NALCN: variants seen among roughly 807,000 people sequenced by gnomAD.
NALCN encodes sodium leak channel, non-selective.
Under a neutral mutation model 225.3 loss-of-function variants are expected in NALCN, and 111 were observed. The observed-to-expected ratio is 0.49, with a 90% confidence interval of 0.42 to 0.58. The LOEUF (loss-of-function observed/expected upper bound fraction) is 0.58. Ranked by LOEUF, NALCN falls within the 20% of genes least tolerant of loss-of-function variation. The pLI is 0.00. For missense variants in NALCN, 1,378 were observed against 2,202.4 expected (o/e 0.63, Z 7.49); for synonymous variants, 764 against 769.0 (o/e 0.99, Z 0.11).
chr13:101,133,965 C>T (rs540212386), intron 17 of NALCN, among the ~76,000 whole-genome samples: 3 of 151,952 alleles, frequency 2.0e-5, no homozygotes, highest in Non-Finnish European at 4.4e-5. Flanking sequence ...GTCAGGAGAT[C>T]GAGACCATCC....
At chr13:101,101,281 C>CTTTTTTTTTTTTTT (rs60948311) in intron 26 of NALCN, among the ~76,000 whole-genome samples, 8 of 112,374 alleles carry the variant, frequency 7.1e-5, no homozygotes, top group African/African-American at 1.4e-4. Context: ...ATTTTTTTTT[C>CTTTTTTTTTTTTTT]TTTTTTTTTT....
intron 12 of NALCN, among the ~76,000 whole-genome samples, chr13:101,231,793 G>A (rs936658652): frequency 6.6e-6 from 1 of 152,034 alleles, no homozygotes; most frequent in Non-Finnish European, 1.5e-5. Context: ...AATAACATTT[G>A]TTTCTTTTTG....
intron 10 of NALCN, among the ~76,000 whole-genome samples, chr13:101,259,891 CTT>C (rs529860714): frequency 1.1e-4 from 16 of 151,830 alleles, no homozygotes; most frequent in Middle Eastern, 3.4e-3. Context: ...ATGTTACACT[CTT>C]TAAGTTATTT....
chr13:101,194,701 T>G (rs943218807), intron 13 of NALCN, among the ~76,000 whole-genome samples: 1 of 152,306 alleles, frequency 6.6e-6, no homozygotes, highest in African/African-American at 2.4e-5. Context: ...ACAGGATCAA[T>G]TCTCAAAAAG....
chr13:101,230,958 T>C (rs938641057), intron 12 of NALCN, among the ~76,000 whole-genome samples: 7 of 152,324 alleles, frequency 4.6e-5, no homozygotes, highest in Admixed American at 4.6e-4. Context: ...TATTTAGCTA[T>C]GTTTAGATAT....
At chr13:101,142,775 T>A (rs2037150754) in intron 17 of NALCN, 1 of 377,240 alleles carries the variant, frequency 2.7e-6, no homozygotes, top group South Asian at 2.3e-5. Context: ...ACACCTGGAC[T>A]GAGCCTTGGA....
chr13:101,132,114 T>C (rs2036548536), intron 17 of NALCN, among the ~76,000 whole-genome samples: 1 of 152,136 alleles, frequency 6.6e-6, no homozygotes, highest in African/African-American at 2.4e-5. Context: ...ATTTAAGCCT[T>C]TATTTCTTTA....
intron 18 of NALCN, among the ~76,000 whole-genome samples, chr13:101,119,618 A>G (rs2035875631): frequency 6.6e-6 from 1 of 152,236 alleles, no homozygotes; most frequent in Non-Finnish European, 1.5e-5. Flanking sequence ...AGGGCTTTGA[A>G]TTAGAGGAAA....
intron 12 of NALCN, 109 bp from the exon 13 acceptor site, chr13:101,229,693 T>C: frequency 1.1e-6 from 1 of 933,884 alleles, no homozygotes. Context: ...ATGAAAATCA[T>C]ACCTCTCTAT....
intron 7 of NALCN, among the ~76,000 whole-genome samples, chr13:101,337,950 T>C (rs1216915990): frequency 6.6e-6 from 1 of 152,176 alleles, no homozygotes; most frequent in Non-Finnish European, 1.5e-5. Flanking sequence ...AGCTGAGGGA[T>C]AATGATACCC....
Position 101,318,837 on chromosome 13 carries a change from G to A in NALCN, c.799+26429C>T, listed in dbSNP as rs137978177. The stretch of plus-strand genomic sequence containing the variant: ...ATTTTTAGAATAATTATGACACTGC[G>A]CAAGATTGTCCTCACATCTTTTTTT... On this transcript the variant is annotated intron_variant, in intron 7 of 43. Coordinates refer to ENST00000251127, the MANE Select transcript of NALCN (RefSeq NM_052867.4). Among the ~76,000 whole-genome samples the A allele has an allele frequency of 6.9e-3, 1,045 of 152,216 alleles. 4 individuals carry two copies. Among genetic ancestry groups the A allele is most frequent in the Middle Eastern group, 0.027 (8 of 294 alleles).
chr13:101,223,802 G>T (rs1355484288), intron 13 of NALCN, among the ~76,000 whole-genome samples: 2 of 151,960 alleles, frequency 1.3e-5, no homozygotes, highest in Non-Finnish European at 2.9e-5. Flanking sequence ...TGCCCCTTTT[G>T]GTCCACCTCA....
chr13:101,325,965 G>A (rs1468035034), intron 7 of NALCN, among the ~76,000 whole-genome samples: 2 of 152,130 alleles, frequency 1.3e-5, no homozygotes, highest in African/African-American at 2.4e-5. Context: ...GTCAAACTCT[G>A]TTAATGCCTC....
At chr13:101,160,159 T>A (rs970159572) in intron 15 of NALCN, among the ~76,000 whole-genome samples, 3 of 152,256 alleles carry the variant, frequency 2.0e-5, no homozygotes, top group Admixed American at 2.0e-4. Context: ...TTTCACCATG[T>A]TAGCCAGGAT....
chr13:101,369,413 C>T (rs764895771), intron 6 of NALCN, among the ~76,000 whole-genome samples: 22 of 152,036 alleles, frequency 1.4e-4, no homozygotes, highest in Admixed American at 2.6e-4. Context: ...TTTCTTGGTA[C>T]CAAATACAGC....
chr13:101,188,710 G>T (rs2039555985), intron 14 of NALCN, among the ~76,000 whole-genome samples: 1 of 151,058 alleles, frequency 6.6e-6, no homozygotes. Flanking sequence ...TTGAGATGGA[G>T]TTTCACTGTT....
chr13:101,129,005 G>A (rs749049623), intron 17 of NALCN, among the ~76,000 whole-genome samples: 47 of 152,324 alleles, frequency 3.1e-4, no homozygotes, highest in Non-Finnish European at 6.3e-4. Context: ...CAAGGCCATA[G>A]GTGGTGTCAG....
At chr13:101,223,205 A>G (rs2041012049) in intron 13 of NALCN, among the ~76,000 whole-genome samples, 1 of 151,994 alleles carries the variant, frequency 6.6e-6, no homozygotes, top group South Asian at 2.1e-4. Context: ...TAAACACATA[A>G]CCCCAGATAT....
chr13:101,094,140 AG>A (rs2034378516), intron 28 of NALCN, among the ~76,000 whole-genome samples: 2 of 152,138 alleles, frequency 1.3e-5, no homozygotes, highest in Admixed American at 6.5e-5. Context: ...GACCCTTTGG[AG>A]GGGGGTACCC....
Sources: allele counts gnomAD v4.1 joint callset (sites outside exome capture counted in the v4.1 genomes callset), GRCh38; gene constraint gnomAD v4.1.1; transcripts MANE v1.5; gene names NCBI Gene and HGNC (gene_info 2026-07-23, HGNC 2026-07-21).